The following ZMYM4 variants were observed in gnomAD, a reference collection of about 807,000 sequenced individuals.
The protein encoded by ZMYM4 is zinc finger MYM-type containing 4.
Under a neutral mutation model 183.2 loss-of-function variants are expected in ZMYM4, and 31 were observed. The observed-to-expected ratio is 0.17, with a 90% CI of 0.13 to 0.23. ZMYM4 has a LOEUF of 0.23. Ranked by LOEUF, ZMYM4 falls within the 10% of genes least tolerant of loss-of-function variation. The pLI is 1.00. For missense variants in ZMYM4, 1,273 were observed against 1,840.3 expected, an observed-to-expected ratio of 0.69 and a Z score of 5.64; for synonymous variants, 592 against 631.2, an observed-to-expected ratio of 0.94 and a Z score of 0.93.
intron 1 of ZMYM4, among the ~76,000 whole-genome samples, chr1:35,318,230 G>T (rs1354537334): frequency 6.6e-6 from 1 of 151,288 alleles, no homozygotes; most frequent in Non-Finnish European, 1.5e-5. Flanking sequence ...GGCAATTTTT[G>T]TATTTTTAGT....
At chr1:35,339,420 A>C (rs746564859) in intron 2 of ZMYM4, among the ~76,000 whole-genome samples, 5 of 152,086 alleles carry the variant, frequency 3.3e-5, no homozygotes, top group Non-Finnish European at 7.4e-5. Flanking sequence ...TTTTTAGTAG[A>C]GATGGGGTTT....
Position 35,332,376 on chromosome 1 carries a change from G to A in ZMYM4, c.85+6971G>A, listed in dbSNP as rs528858161. On this transcript the variant is annotated intron_variant, in intron 2 of 29. Transcript: ENST00000314607. ...TTAAGCTCAAGGATTCAATGGCTCC[G>A]GTGTTCAGAAAGGGTATACTGGGGA... 7.3e-5 allele frequency among the ~76,000 whole-genome samples: 11 copies of A among 151,058 alleles called. No homozygotes were observed. In the Middle Eastern group the frequency reaches 0.011, roughly 145 times the overall value.
chr1:35,351,315 A>G (rs1453200962), intron 2 of ZMYM4: 4 of 1,578,038 alleles, frequency 2.5e-6, no homozygotes, highest in Non-Finnish European at 2.6e-6. Flanking sequence ...GAAGCACATC[A>G]TGGGCCAGAA....
chr1:35,353,092 C>G (rs1283017085), intron 2 of ZMYM4, among the ~76,000 whole-genome samples: 1 of 152,198 alleles, frequency 6.6e-6, no homozygotes. Context: ...AAATGACACC[C>G]TGTTGTGTTA....
chr1:35,310,328 G>A (rs1641737506), intron 1 of ZMYM4: 1 of 268,000 alleles, frequency 3.7e-6, no homozygotes, highest in African/African-American at 2.3e-5. Context: ...AAGCTCACAA[G>A]TGTAGGTAGT....
chr1:35,323,282 G>A (rs974135075), intron 1 of ZMYM4, among the ~76,000 whole-genome samples: 1 of 152,144 alleles, frequency 6.6e-6, no homozygotes, highest in South Asian at 2.1e-4. Flanking sequence ...GATTACAGGC[G>A]TGAGCCACTG....
chr1:35,392,034 C>T (rs1644716207), intron 15 of ZMYM4, among the ~76,000 whole-genome samples, 178 bp from the exon 16 acceptor site: 1 of 151,482 alleles, frequency 6.6e-6, no homozygotes, highest in Non-Finnish European at 1.5e-5. Flanking sequence ...GAGTGAGACT[C>T]TGTCTCAAAA....
chr1:35,411,388 C>T (rs911236015), intron 26 of ZMYM4, among the ~76,000 whole-genome samples: 2 of 152,042 alleles, frequency 1.3e-5, no homozygotes, highest in Non-Finnish European at 2.9e-5. Flanking sequence ...ATCTCATGAC[C>T]TTGTGATCCG....
intron 2 of ZMYM4, among the ~76,000 whole-genome samples, chr1:35,338,905 T>C (rs1022926672): frequency 6.6e-6 from 1 of 152,264 alleles, no homozygotes; most frequent in African/African-American, 2.4e-5. Context: ...TCATCTCTTA[T>C]GTCTTCATAA....
intron 28 of ZMYM4, among the ~76,000 whole-genome samples, chr1:35,417,525 G>A (rs1640167259): frequency 6.6e-6 from 1 of 152,214 alleles, no homozygotes; most frequent in Admixed American, 6.5e-5. Flanking sequence ...GTGCCCCACA[G>A]TAGAAATATT....
chr1:35,418,627 G>A (rs1640215672), intron 29 of ZMYM4, 55 bp downstream of exon 29: 3 of 1,596,396 alleles, frequency 1.9e-6, no homozygotes, highest in East Asian at 2.3e-5. Flanking sequence ...AACATATTTT[G>A]GATTTCAGAT....
At chr1:35,269,839 G>T (rs1170598106) in intron 1 of ZMYM4, among the ~76,000 whole-genome samples, 1 of 152,076 alleles carries the variant, frequency 6.6e-6, no homozygotes, top group Non-Finnish European at 1.5e-5. Flanking sequence ...ATTCTGAGTG[G>T]TTTTTTTCAG....
At chr1:35,291,046 T>G (rs1640735674) in intron 1 of ZMYM4, among the ~76,000 whole-genome samples, 1 of 152,206 alleles carries the variant, frequency 6.6e-6, no homozygotes, top group Non-Finnish European at 1.5e-5. Context: ...GTTTGACATA[T>G]GCATATAGTG....
intron 1 of ZMYM4, among the ~76,000 whole-genome samples, chr1:35,313,988 C>G (rs1008119227): frequency 6.6e-5 from 10 of 152,124 alleles, no homozygotes; most frequent in Non-Finnish European, 1.0e-4. Flanking sequence ...AAACTCACAC[C>G]TCTGCTTAAC....
At chr1:35,392,182 G>C (rs1003352661) in intron 15 of ZMYM4, 30 bp from the exon 16 acceptor site, 1 of 1,613,706 alleles carries the variant, frequency 6.2e-7, no homozygotes, top group Non-Finnish European at 8.5e-7. Context: ...AATCACGTGA[G>C]GTTTCCTTAT....
intron 1 of ZMYM4, among the ~76,000 whole-genome samples, chr1:35,272,156 TACC>T (rs1473448021): frequency 6.6e-6 from 1 of 152,230 alleles, no homozygotes; most frequent in African/African-American, 2.4e-5. Context: ...GACTATGCAG[TACC>T]ATGTCTTTGG....
chr1:35,270,848 G>A (rs759581794), intron 1 of ZMYM4, among the ~76,000 whole-genome samples: 11 of 151,910 alleles, frequency 7.2e-5, no homozygotes, highest in Non-Finnish European at 1.0e-4. Context: ...CCCTCTTTCT[G>A]TTCATCAGTC....
At chr1:35,299,795 T>C (rs1273635738) in intron 1 of ZMYM4, among the ~76,000 whole-genome samples, 1 of 151,214 alleles carries the variant, frequency 6.6e-6, no homozygotes, top group Non-Finnish European at 1.5e-5. Flanking sequence ...TTTCTTTCTT[T>C]TCTTTTTTTT....
intron 18 of ZMYM4, 151 bp from the exon 19 acceptor site, chr1:35,396,401 T>G: frequency 1.9e-6 from 2 of 1,058,362 alleles, no homozygotes. Context: ...TTTGGCTACT[T>G]TAGTTATTTC....
Sources: gnomAD v4.1 joint callset for allele counts (sites outside exome capture counted in the v4.1 genomes callset) on GRCh38, gnomAD v4.1.1 for gene constraint, MANE v1.5 for transcripts, NCBI Gene and HGNC (gene_info 2026-07-23, HGNC 2026-07-21) for gene names.